SBNO2: variants seen among roughly 807,000 people sequenced by gnomAD.
SBNO2 encodes strawberry notch homolog 2.
In SBNO2, 89 loss-of-function variants were observed where a neutral mutation model predicts 146.3. That is an observed-to-expected ratio of 0.61 (90% CI 0.51 to 0.73). The LOEUF (loss-of-function observed/expected upper bound fraction) is 0.73, where lower values mean the gene tolerates loss of function less well. SBNO2 is among the 30% of genes least tolerant of loss of function. SBNO2 has a pLI of 0.00. For missense variants in SBNO2, 2,092 were observed against 2,003.7 expected, an observed-to-expected ratio of 1.04 and a Z score of -0.84; for synonymous variants, 1,147 against 892.6, an observed-to-expected ratio of 1.29 and a Z score of -5.08.
intron 4 of SBNO2, among the ~76,000 whole-genome samples, chr19:1,129,079 C>T (rs2079999598): frequency 6.6e-6 from 1 of 151,882 alleles, no homozygotes; most frequent in South Asian, 2.1e-4. Context: ...CCAGCCTGAC[C>T]AATATGGTAA....
At chr19:1,167,447 G>A (rs1027252495) in intron 1 of SBNO2, among the ~76,000 whole-genome samples, 4 of 152,192 alleles carry the variant, frequency 2.6e-5, no homozygotes, top group South Asian at 2.1e-4. Flanking sequence ...GCCTGAGCTC[G>A]GCCGGGGGCG....
chr19:1,173,553 GAA>G lies in SBNO2; in HGVS notation c.-127+617_-127+618del, dbSNP rs1321882558. On this transcript the variant is annotated intron_variant, in intron 1 of 31. Coordinates refer to ENST00000361757, the MANE Select transcript of SBNO2 (RefSeq NM_014963.3). The surrounding 1 kb of genome is among the most constrained non-coding windows in gnomAD (Gnocchi z 4.7). ...AGACAGGGCTGCGCTGCGGGGCCGA[GAA>G]GGCAAGGGTCCTGGGACCGGGGACA... Among the ~76,000 whole-genome samples the G allele has an allele frequency of 6.6e-6, 1 of 152,134 alleles. No homozygotes were observed. The highest frequency in any genetic ancestry group is 1.5e-5 in the Non-Finnish European group (1 of 68,014).
chr19:1,170,398 G>A (rs2080466212), intron 1 of SBNO2, among the ~76,000 whole-genome samples: 1 of 152,158 alleles, frequency 6.6e-6, no homozygotes, highest in Admixed American at 6.5e-5. Context: ...GGGGTTGGGG[G>A]CGAGAGTGCA....
At chr19:1,113,060 G>A in intron 19 of SBNO2, 111 bp from the exon 20 acceptor site, 13 of 1,295,732 alleles carry the variant, frequency 1.0e-5, no homozygotes, top group Non-Finnish European at 1.4e-5. Flanking sequence ...GCTCCCAGCT[G>A]TGCACGGGAG....
At chr19:1,108,748 G>C in intron 31 of SBNO2, 31 bp downstream of exon 31, 1 of 1,590,952 alleles carries the variant, frequency 6.3e-7, no homozygotes, top group Non-Finnish European at 8.5e-7. Flanking sequence ...TGGGGGCTCG[G>C]GCCTTCCCGG....
In SBNO2 at chr19:1,158,893, A is replaced by G. The variant is rs577328413; in HGVS notation, c.-126-4491T>C. Among the ~76,000 whole-genome samples the G allele has an allele frequency of 3.3e-5, 5 of 151,460 alleles. No individual in the cohort carries two copies. Among genetic ancestry groups the G allele is most frequent in the African/African-American group, 9.7e-5 (4 of 41,110 alleles). On this transcript the variant is annotated intron_variant, in intron 1 of 31. Transcript: ENST00000361757. The surrounding 1 kb of genome is among the most constrained non-coding windows in gnomAD (Gnocchi z 9.9). ...CTCCTGCAGCTGTGACCGCCGCCCCACAGCCGCGACCCCACCTGCAGCCGT... is the reference window on the plus strand; with the variant it reads ...CTCCTGCAGCTGTGACCGCCGCCCCGCAGCCGCGACCCCACCTGCAGCCGT...
chr19:1,116,715 C>T (rs1321489864), intron 16 of SBNO2, 114 bp downstream of exon 16: 2 of 918,996 alleles, frequency 2.2e-6, no homozygotes, highest in Non-Finnish European at 3.2e-6. Flanking sequence ...CAAAGCCCAC[C>T]CCAGCACCTC....
rs772905635 is a variant in SBNO2, at chr19:1,112,545, G to A, written c.2380-8C>T. ...CGAGATGATGGCCACGAGCTAGGGG[G>A]AAAGAAGGGGCCGGGACACGGTTGG... On this transcript the variant is annotated splice_region_variant and splice_polypyrimidine_tract_variant and intron_variant, in intron 20 of 31. Coordinates refer to ENST00000361757, the MANE Select transcript of SBNO2 (RefSeq NM_014963.3). The surrounding 1 kb of genome is among the most constrained non-coding windows in gnomAD (Gnocchi z 5.9). The A allele has an allele frequency of 3.1e-6, 5 of 1,594,364 alleles. No homozygotes were observed. The highest frequency in any genetic ancestry group is 4.3e-6 in the Non-Finnish European group (5 of 1,175,244).
intron 4 of SBNO2, among the ~76,000 whole-genome samples, chr19:1,132,426 C>A (rs2080041650): frequency 2.0e-5 from 3 of 152,170 alleles, no homozygotes; most frequent in Admixed American, 6.5e-5. Flanking sequence ...CAACACGCAA[C>A]CCCACCCGTG....
chr19:1,147,266 C>T, intron 4 of SBNO2, 43 bp downstream of exon 4: 1 of 1,356,772 alleles, frequency 7.4e-7, no homozygotes, highest in Non-Finnish European at 1.0e-6. Context: ...GGCCCAGACT[C>T]CACCCTGCCC....
At position 1,174,259 on chromosome 19, in the gene SBNO2, G is replaced by T. The variant is rs1472306700; in HGVS notation, c.-214C>A. The T allele has an allele frequency of 6.6e-6, 1 of 151,908 alleles. No individual in the cohort carries two copies. Among genetic ancestry groups the T allele is most frequent in the Non-Finnish European group, 1.5e-5 (1 of 67,906 alleles). The allele number at this position is 151,908 out of a possible 1,614,324, so 9.4% of individuals were successfully genotyped here. A position where few individuals can be genotyped will look rare whatever the true frequency, so the allele number is the denominator to read the frequency against. ...GCCGCCGCTCACTTCCGGGTTTCGG[G>T]CGCCATCTTGGGGGCCCCGCGCACT... On this transcript the variant is annotated 5_prime_UTR_variant, in exon 1 of 32. Coordinates refer to ENST00000361757, the MANE Select transcript of SBNO2 (RefSeq NM_014963.3).
chr19:1,132,819 AGAGCTGAGCCTGG>A (rs1318621432), intron 4 of SBNO2, among the ~76,000 whole-genome samples: 1 of 152,072 alleles, frequency 6.6e-6, no homozygotes, highest in Non-Finnish European at 1.5e-5. Context: ...TGGCGGAGGG[AGAGCTGAGCCTGG>A]GCCCCTCCTC....
At position 1,136,706 on chromosome 19, in the gene SBNO2, C is replaced by T. The variant is rs973474533; in HGVS notation, c.280-8941G>A. Among the ~76,000 whole-genome samples, 11 of 152,310 alleles carry T rather than the reference C, an allele frequency of 7.2e-5. No individual in the cohort carries two copies. Among genetic ancestry groups the T allele is most frequent in the Admixed American group, 3.3e-4 (5 of 15,304 alleles). Reference sequence around the variant, plus strand: ...AGTAACTGTGGGGGCTCCGTGGTGCCGGATGGGCCGAGGCATCTGACCCCT... The same window carrying T: ...AGTAACTGTGGGGGCTCCGTGGTGCTGGATGGGCCGAGGCATCTGACCCCT... On this transcript the variant is annotated intron_variant, in intron 4 of 31. Coordinates refer to ENST00000361757, the MANE Select transcript of SBNO2 (RefSeq NM_014963.3). This position sits in a 1 kb window ranked among gnomAD's most constrained non-coding sequence, Gnocchi z 4.2.
chr19:1,122,092 G>A lies in SBNO2; in HGVS notation c.1149+47C>T, dbSNP rs575595381. On this transcript the variant is annotated intron_variant, in intron 11 of 31. Transcript: ENST00000361757. ...ACTCCTCCATCCTCCTTTTCCCTCC[G>A]ACCCCCTAATCCAGCCCTCCCCTCC... 34 of 714,896 alleles carry A rather than the reference G, an allele frequency of 4.8e-5. No individual in the cohort carries two copies. In the East Asian group the frequency reaches 5.7e-4, roughly 12 times the overall value. The allele number at this position is 714,896 out of a possible 1,614,324, so 44.3% of individuals were successfully genotyped here.
chr19:1,171,711 C>G (rs1272543866), intron 1 of SBNO2, among the ~76,000 whole-genome samples: 3 of 151,894 alleles, frequency 2.0e-5, no homozygotes, highest in African/African-American at 7.3e-5. Flanking sequence ...CAAGCCCAAG[C>G]TGGTCACACC....
chr19:1,171,608 T>TTG (rs774912872), intron 1 of SBNO2, among the ~76,000 whole-genome samples: 1 of 152,140 alleles, frequency 6.6e-6, no homozygotes, highest in Non-Finnish European at 1.5e-5. Context: ...AGTCGCCTCT[T>TTG]TGTTCGGGGC....
intron 4 of SBNO2, among the ~76,000 whole-genome samples, chr19:1,130,747 G>A (rs10412582): frequency 0.078 from 11,906 of 152,174 alleles, 635 homozygotes; most frequent in East Asian, 0.16. Flanking sequence ...AGCCGAGATC[G>A]TGCCACTGCA....
chr19:1,122,839 C>A (rs1159323366), intron 8 of SBNO2, 48 bp from the exon 9 acceptor site: 1 of 1,537,918 alleles, frequency 6.5e-7, no homozygotes, highest in East Asian at 2.4e-5. Context: ...TGGCCCGGCC[C>A]CTCCCCAGGG....
chr19:1,154,622 G>C (rs533360673), intron 1 of SBNO2, among the ~76,000 whole-genome samples: 1 of 152,254 alleles, frequency 6.6e-6, no homozygotes, highest in South Asian at 2.1e-4. Flanking sequence ...GCCTTTCCTG[G>C]CCTCCCCGGC....
Sources: gnomAD v4.1 joint callset for allele counts (sites outside exome capture counted in the v4.1 genomes callset) on GRCh38, gnomAD v4.1.1 for gene constraint, Gnocchi (gnomAD v3.1) non-coding constraint, MANE v1.5 for transcripts, NCBI Gene and HGNC (gene_info 2026-07-23, HGNC 2026-07-21) for gene names.